Variants in BCAS3 observed in about 807,000 individuals in gnomAD.
BCAS3 encodes BCAS4/BCAS3 fusion.
Under a neutral mutation model 116.1 loss-of-function variants are expected in BCAS3, and 53 were observed. That is an observed-to-expected ratio of 0.46 (90% confidence interval 0.37 to 0.57). The LOEUF is 0.57. Ranked by LOEUF, BCAS3 falls within the 20% of genes least tolerant of loss-of-function variation. BCAS3 has a pLI of 0.00. For synonymous variants in BCAS3, 391 were observed against 408.2 expected (o/e 0.96, Z 0.51); for missense variants, 917 against 1,165.4 (o/e 0.79, Z 3.10).
chr17:61,330,449 T>A (rs2143104950), intron 22 of BCAS3, among the ~76,000 whole-genome samples: 1 of 152,320 alleles, frequency 6.6e-6, no homozygotes, highest in East Asian at 1.9e-4. Flanking sequence ...TCCCAAGTGT[T>A]CACTTTGAAT....
intron 22 of BCAS3, among the ~76,000 whole-genome samples, chr17:61,164,355 T>C (rs1049385597): frequency 1.3e-5 from 2 of 152,108 alleles, no homozygotes; most frequent in African/African-American, 4.8e-5. Flanking sequence ...AGGTGGGACC[T>C]TTAAGAGGTG....
At position 61,088,236 on chromosome 17, in the gene BCAS3, G is replaced by A. The variant is rs753578742; in HGVS notation, c.2425+3672G>A. Among the ~76,000 whole-genome samples, 10 of 152,078 alleles carry A rather than the reference G, an allele frequency of 6.6e-5. No individual in the cohort carries two copies. The highest frequency in any genetic ancestry group is 1.4e-4 in the African/African-American group (6 of 41,424). On this transcript the variant is annotated intron_variant, in intron 22 of 23. Coordinates refer to ENST00000407086, the MANE Select transcript of BCAS3 (RefSeq NM_017679.5). The surrounding 1 kb of genome is among the most constrained non-coding windows in gnomAD (Gnocchi z 4.2). Reference sequence around the variant, plus strand: ...AAAACCATCCTACCTAAAATTTGTGGGGGTTAAATAATTGTAAGATGTTCC... The same window carrying A: ...AAAACCATCCTACCTAAAATTTGTGAGGGTTAAATAATTGTAAGATGTTCC...
In BCAS3 at chr17:61,110,902, G is replaced by C. The variant is rs1369057303; in HGVS notation, c.2425+26338G>C. The stretch of plus-strand genomic sequence containing the variant: ...AGCACGCAGCTGGAGATCTGAAAAC[G>C]GGCAGACTGCCTCCTCAAGTGGGTC... On this transcript the variant is annotated intron_variant, in intron 22 of 23. Transcript: ENST00000407086. Among the ~76,000 whole-genome samples the C allele has an allele frequency of 3.2e-4, 48 of 152,044 alleles. No individual in the cohort carries two copies. The East Asian group carries it at 4.1e-3, about 13-fold the overall frequency.
chr17:61,133,096 T>C (rs1284392308), intron 22 of BCAS3, among the ~76,000 whole-genome samples: 1 of 152,182 alleles, frequency 6.6e-6, no homozygotes, highest in African/African-American at 2.4e-5. Flanking sequence ...TAAAATTCTC[T>C]CTATGGCTTT....
At chr17:60,963,400 T>G (rs1048895528) in intron 14 of BCAS3, among the ~76,000 whole-genome samples, 9 of 152,100 alleles carry the variant, frequency 5.9e-5, no homozygotes, top group Non-Finnish European at 1.2e-4. Context: ...TTCTTCAATT[T>G]CTTTCATATT....
At chr17:60,971,262 A>G (rs1439155187) in intron 14 of BCAS3, among the ~76,000 whole-genome samples, 1 of 152,214 alleles carries the variant, frequency 6.6e-6, no homozygotes. Flanking sequence ...CAACTGAGGA[A>G]AAGTCAGTAA....
intron 19 of BCAS3, 72 bp downstream of exon 19, chr17:61,040,964 A>G: frequency 7.7e-7 from 1 of 1,305,250 alleles, no homozygotes; most frequent in Non-Finnish European, 1.1e-6. Context: ...CTAGCTTTGA[A>G]AGCAAACATT....
rs139432240 is a variant in BCAS3, at chr17:60,782,793, G to A, written c.404-25211G>A. Reference sequence around the variant, plus strand: ...AGTAGAGATGGGGCTTCACCATGTTGGCCAGGATGGTCTTGATCTCTTGAC... The same window carrying A: ...AGTAGAGATGGGGCTTCACCATGTTAGCCAGGATGGTCTTGATCTCTTGAC... On this transcript the variant is annotated intron_variant, in intron 6 of 23. Transcript: ENST00000407086. 4.2e-4 allele frequency among the ~76,000 whole-genome samples: 64 copies of A among 151,548 alleles called. 1 individual carries two copies. The East Asian group carries it at 8.8e-3, about 21-fold the overall frequency.
intron 6 of BCAS3, among the ~76,000 whole-genome samples, chr17:60,755,677 TTAGA>T (rs1324510541): frequency 6.6e-6 from 1 of 152,216 alleles, no homozygotes; most frequent in African/African-American, 2.4e-5. Context: ...TTTCCTGATA[TTAGA>T]TATTCTTCTT....
At chr17:61,036,550 T>C (rs1167359453) in intron 17 of BCAS3, among the ~76,000 whole-genome samples, 1 of 152,194 alleles carries the variant, frequency 6.6e-6, no homozygotes, top group Non-Finnish European at 1.5e-5. Context: ...CCTTCTGTTC[T>C]AATTACCTTT....
rs879447860 is a variant in BCAS3, at chr17:61,039,425, AT to A, written c.1929-1355del. On this transcript the variant is annotated intron_variant, in intron 18 of 23. Transcript: ENST00000407086. ...TTCATGTACAGATTCTTGTGTGAAC[AT>A]TTTTTTTTTTTCCTGAGATGGAGTC... Among the ~76,000 whole-genome samples, 931 of 145,228 alleles carry A rather than the reference AT, an allele frequency of 6.4e-3. 8 individuals carry two copies. The highest frequency in any genetic ancestry group is 0.011 in the Admixed American group (159 of 14,572).
At chr17:60,854,559 G>T (rs2053488769) in intron 7 of BCAS3, among the ~76,000 whole-genome samples, 1 of 152,124 alleles carries the variant, frequency 6.6e-6, no homozygotes, top group Non-Finnish European at 1.5e-5. Context: ...CTTCTCAAAA[G>T]AAGACATTTA....
intron 17 of BCAS3, among the ~76,000 whole-genome samples, chr17:61,035,540 G>A (rs1180110658): frequency 3.6e-5 from 5 of 139,100 alleles, no homozygotes; most frequent in South Asian, 4.4e-4. Context: ...CCGAGATCAC[G>A]TCACTGCACT....
Position 60,868,027 on chromosome 17 carries a change from GT to G in BCAS3, c.477-535del, listed in dbSNP as rs750908710. On this transcript the variant is annotated intron_variant, in intron 7 of 23. Transcript: ENST00000407086. ...TCATATAATTTTTCTTTTCTTTCATGTTTTTTTTTTTTTTGAGACGGATTCT... is the reference window on the plus strand; with the variant it reads ...TCATATAATTTTTCTTTTCTTTCATGTTTTTTTTTTTTTGAGACGGATTCT... Among the ~76,000 whole-genome samples the G allele has an allele frequency of 6.2e-3, 861 of 139,964 alleles. 6 individuals carry two copies. Among genetic ancestry groups the G allele is most frequent in the African/African-American group, 0.018 (692 of 38,584 alleles). The allele number at this position is 139,964 out of a possible 152,430, so 91.8% of individuals were successfully genotyped here.
chr17:61,193,859 G>A (rs2080308576), intron 22 of BCAS3, among the ~76,000 whole-genome samples: 1 of 151,148 alleles, frequency 6.6e-6, no homozygotes, highest in Non-Finnish European at 1.5e-5. Context: ...GCTCACACCT[G>A]TAATCCCAGC....
At chr17:60,702,568 G>C (rs1568050045) in intron 4 of BCAS3, among the ~76,000 whole-genome samples, 2 of 152,002 alleles carry the variant, frequency 1.3e-5, no homozygotes, top group African/African-American at 4.8e-5. Context: ...TCTGGCCTAA[G>C]GACTATTGTT....
chr17:60,734,640 A>G (rs891796538), intron 5 of BCAS3, among the ~76,000 whole-genome samples: 1 of 152,164 alleles, frequency 6.6e-6, no homozygotes, highest in African/African-American at 2.4e-5. Flanking sequence ...AATTGACTGT[A>G]TTTATGTGGG....
chr17:60,888,515 T>G (rs1359562785), intron 9 of BCAS3, among the ~76,000 whole-genome samples: 3 of 152,174 alleles, frequency 2.0e-5, no homozygotes, highest in Non-Finnish European at 4.4e-5. Context: ...AATTATATTT[T>G]TAATGAATAA....
chr17:60,984,969 C>A (rs1231023501), intron 14 of BCAS3, among the ~76,000 whole-genome samples: 2 of 140,366 alleles, frequency 1.4e-5, no homozygotes, highest in Admixed American at 7.3e-5. Flanking sequence ...GAGATTGCAC[C>A]ACTGCACTCT....
Sources: gnomAD v4.1 joint callset for allele counts (sites outside exome capture counted in the v4.1 genomes callset) on GRCh38, gnomAD v4.1.1 for gene constraint, Gnocchi (gnomAD v3.1) non-coding constraint, MANE v1.5 for transcripts, NCBI Gene and HGNC (gene_info 2026-07-23, HGNC 2026-07-21) for gene names.